KPNA3: variants seen among roughly 807,000 people sequenced by gnomAD.
The protein encoded by KPNA3 is karyopherin subunit alpha 3, also known as importin subunit alpha-4.
In KPNA3, 13 loss-of-function variants were observed where a neutral mutation model predicts 73.8. That is an observed-to-expected ratio of 0.18 (90% CI 0.11 to 0.28). The LOEUF is 0.28. KPNA3 is among the 10% of genes least tolerant of loss of function. KPNA3 has a pLI of 1.00. For missense variants in KPNA3, 360 were observed against 618.1 expected, an observed-to-expected ratio of 0.58 and a Z score of 4.43; for synonymous variants, 186 against 206.9, an observed-to-expected ratio of 0.90 and a Z score of 0.87.
intron 14 of KPNA3, 35 bp from the exon 15 acceptor site, chr13:49,705,818 T>C (rs1954202508): frequency 4.1e-6 from 6 of 1,479,486 alleles, no homozygotes; most frequent in Non-Finnish European, 4.5e-6. Flanking sequence ...TTTTTATTTA[T>C]ATAATTATCT....
At chr13:49,769,010 T>G (rs538109615) in intron 1 of KPNA3, among the ~76,000 whole-genome samples, 6 of 152,258 alleles carry the variant, frequency 3.9e-5, no homozygotes, top group South Asian at 2.1e-4. Context: ...ACCCACCAAC[T>G]CATGAATTTC....
At chr13:49,716,391 T>TC (rs1011097275) in intron 10 of KPNA3, among the ~76,000 whole-genome samples, 3 of 152,188 alleles carry the variant, frequency 2.0e-5, no homozygotes, top group African/African-American at 7.2e-5. Context: ...CCTTATTTTT[T>TC]CCCCACTATT....
At chr13:49,761,791 G>A (rs1027529418) in intron 1 of KPNA3, among the ~76,000 whole-genome samples, 36 of 151,936 alleles carry the variant, frequency 2.4e-4, no homozygotes, top group Non-Finnish European at 4.0e-4. Context: ...TCTAGGAAGC[G>A]AGGAGCATCT....
intron 8 of KPNA3, among the ~76,000 whole-genome samples, 158 bp downstream of exon 8, chr13:49,722,319 T>C (rs1460427417): frequency 2.0e-5 from 3 of 152,182 alleles, no homozygotes; most frequent in Admixed American, 6.5e-5. Context: ...GCAAACTGTA[T>C]ATCCTTTTCA....
chr13:49,761,477 G>C (rs1488482047), intron 1 of KPNA3, among the ~76,000 whole-genome samples: 1 of 152,284 alleles, frequency 6.6e-6, no homozygotes, highest in African/African-American at 2.4e-5. Context: ...CTAACCGCGA[G>C]TGATCTGCCA....
chr13:49,779,025 T>C (rs981068265), intron 1 of KPNA3, among the ~76,000 whole-genome samples: 4 of 152,238 alleles, frequency 2.6e-5, no homozygotes, highest in Non-Finnish European at 5.9e-5. Context: ...TCATTATTTT[T>C]CTACGCCTTA....
intron 1 of KPNA3, among the ~76,000 whole-genome samples, chr13:49,779,091 A>C (rs1035939050): frequency 1.4e-5 from 2 of 144,902 alleles, no homozygotes; most frequent in African/African-American, 5.4e-5. Flanking sequence ...CGTTCCTGCT[A>C]GTTCCATTTT....
chr13:49,704,477 ATAAAT>A (rs1483963044), intron 15 of KPNA3, among the ~76,000 whole-genome samples: 1 of 113,478 alleles, frequency 8.8e-6, no homozygotes, highest in East Asian at 9.6e-4. Context: ...AAATAAATAA[ATAAAT>A]AGAAAGAAAG....
At chr13:49,787,603 T>C (rs1434581807) in intron 1 of KPNA3, among the ~76,000 whole-genome samples, 1 of 152,128 alleles carries the variant, frequency 6.6e-6, no homozygotes, top group Non-Finnish European at 1.5e-5. Flanking sequence ...GCCTCCCCGG[T>C]TCAAGTGATT....
rs538443407 is a variant in KPNA3 at position 49,739,318 on chromosome 13, T to C, written c.115-6272A>G. On this transcript the variant is annotated intron_variant, in intron 2 of 16. Coordinates refer to ENST00000261667, the MANE Select transcript of KPNA3 (RefSeq NM_002267.4). Reference sequence around the variant, plus strand: ...ATATAAGTAACAGGTTTTGGGCTCATTCTCAACCCACGAAGCATTATTCAA... The same window carrying C: ...ATATAAGTAACAGGTTTTGGGCTCACTCTCAACCCACGAAGCATTATTCAA... Among the ~76,000 whole-genome samples, 3 of 152,330 alleles carry C rather than the reference T, an allele frequency of 2.0e-5. No individual in the cohort carries two copies. In the East Asian group the frequency reaches 5.8e-4, roughly 29 times the overall value.
chr13:49,790,720 A>G (rs1052190660), intron 1 of KPNA3, among the ~76,000 whole-genome samples: 23 of 152,184 alleles, frequency 1.5e-4, no homozygotes, highest in African/African-American at 5.3e-4. Flanking sequence ...CTTATCAGCA[A>G]ATATTTGTTG....
At chr13:49,735,411 C>T (rs1594442719) in intron 2 of KPNA3, among the ~76,000 whole-genome samples, 2 of 152,028 alleles carry the variant, frequency 1.3e-5, no homozygotes, top group East Asian at 1.9e-4. Flanking sequence ...CGTGAGCCAC[C>T]GCGCCCGCCC....
chr13:49,786,111 G>A (rs576571602), intron 1 of KPNA3, among the ~76,000 whole-genome samples: 1 of 152,250 alleles, frequency 6.6e-6, no homozygotes, highest in African/African-American at 2.4e-5. Flanking sequence ...TACATTATAG[G>A]AGAACAGGCT....
intron 1 of KPNA3, among the ~76,000 whole-genome samples, chr13:49,788,477 T>A (rs899580047): frequency 5.3e-5 from 8 of 152,084 alleles, no homozygotes; most frequent in Non-Finnish European, 1.0e-4. Context: ...CCCAACACTT[T>A]TAGAGGCCAA....
chr13:49,709,731 T>A (rs1954242503), intron 11 of KPNA3, 31 bp from the exon 12 acceptor site: 1 of 1,594,374 alleles, frequency 6.3e-7, no homozygotes. Context: ...TTTCTATAAA[T>A]TTATTTGCTT....
intron 1 of KPNA3, among the ~76,000 whole-genome samples, chr13:49,783,850 A>G (rs1423163333): frequency 6.6e-6 from 1 of 152,218 alleles, no homozygotes; most frequent in Non-Finnish European, 1.5e-5. Context: ...CCCTACGATC[A>G]TTCTTATTAT....
chr13:49,740,956 A>G (rs931827002), intron 2 of KPNA3, among the ~76,000 whole-genome samples: 1 of 152,134 alleles, frequency 6.6e-6, no homozygotes, highest in African/African-American at 2.4e-5. Flanking sequence ...AAGTTCATCC[A>G]CGTTGTTGCA....
At chr13:49,703,854 AAAG>A (rs941138943) in intron 15 of KPNA3, among the ~76,000 whole-genome samples, 59 of 152,300 alleles carry the variant, frequency 3.9e-4, no homozygotes, top group South Asian at 2.7e-3. Context: ...TAATAAACCA[AAAG>A]AATGGGGGAA....
At chr13:49,727,259 C>T (rs888521834) in intron 6 of KPNA3, among the ~76,000 whole-genome samples, 1 of 151,880 alleles carries the variant, frequency 6.6e-6, no homozygotes, top group Non-Finnish European at 1.5e-5. Flanking sequence ...ACCAGCCTGG[C>T]CAACATGGCA....
Sources: allele counts gnomAD v4.1 joint callset (sites outside exome capture counted in the v4.1 genomes callset), GRCh38; gene constraint gnomAD v4.1.1; transcripts MANE v1.5; gene names NCBI Gene and HGNC (gene_info 2026-07-23, HGNC 2026-07-21).